The following CCDC61 variants were observed in gnomAD, a reference collection of about 807,000 sequenced individuals.
CCDC61 encodes the protein coiled-coil domain containing 61, also known as centrosomal protein CCDC61.
Under a neutral mutation model 63.0 loss-of-function variants are expected in CCDC61, and 55 were observed. The observed-to-expected ratio is 0.87, with a 90% CI of 0.70 to 1.09. CCDC61 has a LOEUF of 1.09. Among genes scored for constraint, CCDC61 ranks in the 50% least tolerant of loss-of-function variants. The pLI is 0.00. For missense variants in CCDC61, 651 were observed against 731.4 expected, an observed-to-expected ratio of 0.89 and a Z score of 1.27; for synonymous variants, 270 against 317.0, an observed-to-expected ratio of 0.85 and a Z score of 1.58.
At chr19:46,002,939 G>T in intron 1 of CCDC61, 69 bp from the exon 2 acceptor site, 2 of 1,458,886 alleles carry the variant, frequency 1.4e-6, no homozygotes, top group Non-Finnish European at 1.9e-6. Context: ...AGGATATGAG[G>T]CCTGGCCTTC....
chr19:46,005,724 G>T (rs892345355), intron 3 of CCDC61, among the ~76,000 whole-genome samples: 1 of 150,746 alleles, frequency 6.6e-6, no homozygotes, highest in Non-Finnish European at 1.5e-5. Context: ...GGCTCACTTT[G>T]TTCGTTTTTG....
intron 5 of CCDC61, among the ~76,000 whole-genome samples, chr19:46,013,867 GA>G (rs5828260): frequency 0.31 from 41,838 of 135,684 alleles, 6,061 homozygotes; most frequent in African/African-American, 0.37. Context: ...CTCCGTCTCA[GA>G]AAAAAAAAAA....
Position 46,016,146 on chromosome 19 carries a change from C to A in CCDC61, c.938C>A (p.Ala313Glu), listed in dbSNP as rs538643382. 91 of 1,248,350 alleles carry A rather than the reference C, an allele frequency of 7.3e-5. No individual in the cohort carries two copies. The East Asian group carries it at 2.8e-3, about 39-fold the overall frequency. The allele number at this position is 1,248,350 out of a possible 1,614,324, so 77.3% of individuals were successfully genotyped here. ...ERSASRGRGA[A>E]RSSSRESGRG... Reference sequence around the variant, plus strand: ...TCCGCGTCGCGAGGCCGCGGCGCCGCGCGCTCCTCATCCCGGGAGAGCGGC... The same window carrying A: ...TCCGCGTCGCGAGGCCGCGGCGCCGAGCGCTCCTCATCCCGGGAGAGCGGC... Residue 313 changes from alanine to glutamate, a missense_variant, in exon 8 of 14, where the codon GCG becomes GAG. Coordinates refer to ENST00000595358, the MANE Select transcript of CCDC61 (RefSeq NM_001267723.2). This position sits in a 1 kb window ranked among gnomAD's most constrained non-coding sequence, Gnocchi z 7.2.
chr19:46,014,653 G>A (rs1016089172), intron 5 of CCDC61, among the ~76,000 whole-genome samples: 5 of 152,212 alleles, frequency 3.3e-5, no homozygotes, highest in Admixed American at 2.0e-4. Flanking sequence ...AGAGGATTTC[G>A]TGACTGGGAG....
chr19:46,015,225 G>A lies in CCDC61; in HGVS notation c.728G>A (p.Arg243His), dbSNP rs773862759. The A allele has an allele frequency of 2.1e-4, 286 of 1,333,096 alleles. No individual in the cohort carries two copies. The highest frequency in any genetic ancestry group is 2.6e-4 in the Non-Finnish European group (274 of 1,047,532). The allele number at this position is 1,333,096 out of a possible 1,614,324, so 82.6% of individuals were successfully genotyped here. The change falls in exon 6 of 14, where the codon CGT (arginine) becomes CAT (histidine). Residue 243 changes from arginine (R) to histidine (H), a missense_variant. Transcript: ENST00000595358. This position sits in a 1 kb window ranked among gnomAD's most constrained non-coding sequence, Gnocchi z 5.3. The stretch of plus-strand genomic sequence containing the variant: ...GGCCTCGGGCACAGGGTGGCCGGCC[G>A]TCGCGGCCAGGACTGCCGCCGTCTG... ...ERGLGHRVAGRRGQDCRRLAK... is the reference protein window; with the variant it reads ...ERGLGHRVAGHRGQDCRRLAK...
At chr19:46,005,758 G>A (rs985282142) in intron 3 of CCDC61, among the ~76,000 whole-genome samples, 7 of 151,558 alleles carry the variant, frequency 4.6e-5, no homozygotes, top group Admixed American at 1.3e-4. Flanking sequence ...CAGATAGCCC[G>A]AGTCTAAATA....
chr19:46,016,523 G>A lies in CCDC61; in HGVS notation c.1091+130G>A. 7.3e-7 allele frequency: 1 copy of A among 1,373,522 alleles called. No individual in the cohort carries two copies. Among genetic ancestry groups the A allele is most frequent in the Non-Finnish European group, 1.0e-6 (1 of 994,304 alleles). 85.1% of individuals were successfully genotyped at this position (1,373,522 alleles called of 1,614,324 possible). On this transcript the variant is annotated intron_variant, in intron 9 of 13. Transcript: ENST00000595358. The surrounding 1 kb of genome is among the most constrained non-coding windows in gnomAD (Gnocchi z 7.2). ...TCGCTTCTCGCCGGATACCCCGCCT[G>A]CTCTCCCTTCCGTCCGTCCTACCTC...
intron 5 of CCDC61, among the ~76,000 whole-genome samples, chr19:46,010,054 T>C (rs1356169873): frequency 6.6e-6 from 1 of 152,190 alleles, no homozygotes; most frequent in African/African-American, 2.4e-5. Flanking sequence ...TATTCATTCA[T>C]TGAGCCAACA....
In CCDC61 at chr19:46,003,469, T is replaced by A; in HGVS notation, c.199T>A (p.Phe67Ile). 6.2e-7 allele frequency: 1 copy of A among 1,613,650 alleles called. No individual in the cohort carries two copies. Among genetic ancestry groups the A allele is most frequent in the Non-Finnish European group, 8.5e-7 (1 of 1,179,784 alleles). ...KTGNFKQFNI[F>I]CHMLESALTQ... is the part of the protein sequence containing the mutation. ...AGGGAACTTCAAACAGTTCAACATC[T>A]TCTGTCATATGCTGGAGTCAGCCCT... Residue 67 changes from phenylalanine (F) to isoleucine (I), a missense_variant, in exon 3 of 14, where the codon TTC becomes ATC. By Grantham distance (21) the Phe-to-Ile change is conservative. Coordinates refer to ENST00000595358, the MANE Select transcript of CCDC61 (RefSeq NM_001267723.2).
rs1185580437 is a variant in CCDC61 at position 46,017,294 on chromosome 19, G to A, written c.1358G>A (p.Gly453Glu). 6.4e-7 allele frequency: 1 copy of A among 1,561,922 alleles called. No homozygotes were observed. Among genetic ancestry groups the A allele is most frequent in the African/African-American group, 1.4e-5 (1 of 73,644 alleles). Reference protein sequence around the residue: ...GKPPSPTPWSGSNMKSPPVER... With the variant: ...GKPPSPTPWSESNMKSPPVER... ...CCTCCCAGCCCAACGCCCTGGAGTG[G>A]GTCCAATATGGTGAGTAGAAGGGGC... The change falls in exon 12 of 14, where the codon GGG becomes GAG. Residue 453 changes from glycine to glutamate, a missense_variant. By Grantham distance (98) the Gly-to-Glu change is moderately conservative. Coordinates refer to ENST00000595358, the MANE Select transcript of CCDC61 (RefSeq NM_001267723.2).
At chr19:45,998,352 G>A (rs142442022) in intron 1 of CCDC61, among the ~76,000 whole-genome samples, 61 of 152,348 alleles carry the variant, frequency 4.0e-4, no homozygotes, top group African/African-American at 1.3e-3. Context: ...CTAGGAAGCT[G>A]CATTTTCATA....
In CCDC61 at chr19:46,006,997, G is replaced by C. The variant is rs185828293; in HGVS notation, c.389+281G>C. On this transcript the variant is annotated intron_variant, in intron 4 of 13. Coordinates refer to ENST00000595358, the MANE Select transcript of CCDC61 (RefSeq NM_001267723.2). ...TGCCACCTGTTTAACAGTTCCACTA[G>C]GGACTCAAGCTCTTTCTTTTTTATT... is the stretch of plus-strand genomic sequence containing the variant. Among the ~76,000 whole-genome samples the C allele has an allele frequency of 4.0e-3, 608 of 151,980 alleles. 6 individuals are homozygous for C. The highest frequency in any genetic ancestry group is 0.014 in the African/African-American group (573 of 41,482).
chr19:46,016,938 G>A lies in CCDC61; in HGVS notation c.1232-53G>A. 1.9e-6 allele frequency: 3 copies of A among 1,555,092 alleles called. No individual in the cohort carries two copies. Among genetic ancestry groups the A allele is most frequent in the Non-Finnish European group, 2.6e-6 (3 of 1,149,982 alleles). On this transcript the variant is annotated intron_variant, in intron 10 of 13. Coordinates refer to ENST00000595358, the MANE Select transcript of CCDC61 (RefSeq NM_001267723.2). This position sits in a 1 kb window ranked among gnomAD's most constrained non-coding sequence, Gnocchi z 7.2. ...CGGGCGGGCTGGGAGGGCCTGGGAA[G>A]CACTGGGCGGGGCCAGCGAGGGCCA...
chr19:46,016,592 C>T lies in CCDC61; in HGVS notation c.1092-102C>T, dbSNP rs1968941570. Reference sequence around the variant, plus strand: ...TGCTTTCCGCTCGTAGGCCTGTCACCTCAGGCTTTCGCTGGCGTGGCTGTG... The same window carrying T: ...TGCTTTCCGCTCGTAGGCCTGTCACTTCAGGCTTTCGCTGGCGTGGCTGTG... On this transcript the variant is annotated intron_variant, in intron 9 of 13. Transcript: ENST00000595358. The surrounding 1 kb of genome is among the most constrained non-coding windows in gnomAD (Gnocchi z 7.2). 8 of 1,528,720 alleles carry T rather than the reference C, an allele frequency of 5.2e-6. No individual in the cohort carries two copies. The highest frequency in any genetic ancestry group is 2.7e-5 in the African/African-American group (2 of 73,130). The allele number at this position is 1,528,720 out of a possible 1,614,324, so 94.7% of individuals were successfully genotyped here. A position where few individuals can be genotyped will look rare whatever the true frequency, so the allele number is the denominator to read the frequency against.
At chr19:46,008,441 C>G in intron 5 of CCDC61, 140 bp downstream of exon 5, 1 of 779,504 alleles carries the variant, frequency 1.3e-6, no homozygotes, top group Non-Finnish European at 2.0e-6. Context: ...AAGAGTCTCA[C>G]TCTGTTGCCC....
At chr19:45,998,421 G>A (rs1395757149) in intron 1 of CCDC61, among the ~76,000 whole-genome samples, 2 of 152,204 alleles carry the variant, frequency 1.3e-5, no homozygotes, top group Non-Finnish European at 2.9e-5. Flanking sequence ...CTGTTAGGCT[G>A]GTTCAGAGTT....
chr19:46,002,833 G>T (rs1456561463), intron 1 of CCDC61, among the ~76,000 whole-genome samples, 175 bp from the exon 2 acceptor site: 1 of 152,162 alleles, frequency 6.6e-6, no homozygotes, highest in Non-Finnish European at 1.5e-5. Context: ...CACGAGGTTG[G>T]TGCCATTATT....
At chr19:46,007,485 G>GA (rs5828259) in intron 4 of CCDC61, among the ~76,000 whole-genome samples, 6 of 149,484 alleles carry the variant, frequency 4.0e-5, no homozygotes, top group South Asian at 2.1e-4. Context: ...TTTTTATCAG[G>GA]AAAAAAAAAA....
At chr19:46,000,239 A>G (rs1343754828) in intron 1 of CCDC61, among the ~76,000 whole-genome samples, 2 of 151,884 alleles carry the variant, frequency 1.3e-5, no homozygotes, top group Non-Finnish European at 2.9e-5. Context: ...GGTTACAAGC[A>G]ATTTGGGAGG....
Sources: gnomAD v4.1 joint callset for allele counts (sites outside exome capture counted in the v4.1 genomes callset) on GRCh38, gnomAD v4.1.1 for gene constraint, Gnocchi (gnomAD v3.1) non-coding constraint, MANE v1.5 for transcripts, NCBI Gene and HGNC (gene_info 2026-07-23, HGNC 2026-07-21) for gene names.